The following KCP variants were observed in gnomAD, a reference collection of about 807,000 sequenced individuals.
KCP encodes kielin/chordin-like protein.
In KCP, 194 loss-of-function variants were observed where a neutral mutation model predicts 212.7. That is an observed-to-expected ratio of 0.91 (90% CI 0.81 to 1.03). KCP has a LOEUF of 1.03. KCP is among the 50% of genes least tolerant of loss of function. KCP has a pLI of 0.00. For synonymous variants in KCP, 833 were observed against 865.3 expected (o/e 0.96, Z 0.65); for missense variants, 2,080 against 2,162.5 (o/e 0.96, Z 0.76).
At position 128,882,102 on chromosome 7, in the gene KCP, G is replaced by A. The variant is rs144585197; in HGVS notation, c.3245-86C>T. 15 of 1,024,728 alleles carry A rather than the reference G, an allele frequency of 1.5e-5. No individual in the cohort carries two copies. The East Asian group carries it at 3.9e-4, about 27-fold the overall frequency. The allele number at this position is 1,024,728 out of a possible 1,614,324, so 63.5% of individuals were successfully genotyped here. On this transcript the variant is annotated intron_variant, in intron 29 of 39. Transcript: ENST00000610776. Reference sequence around the variant, plus strand: ...GCTGTCCCCATGCACTGTGTCCCCAGGTTTCTAACTCGAACTCCTGAGCAT... The same window carrying A: ...GCTGTCCCCATGCACTGTGTCCCCAAGTTTCTAACTCGAACTCCTGAGCAT...
chr7:128,890,849 G>A, intron 20 of KCP, 56 bp downstream of exon 20: 1 of 1,183,838 alleles, frequency 8.4e-7, no homozygotes, highest in African/African-American at 1.6e-5. Context: ...GGCGCTCCGG[G>A]GCGGGGCGGG....
In KCP at chr7:128,879,990, G is replaced by A. The variant is rs544253579; in HGVS notation, c.3855C>T (p.Thr1285=). The change falls in exon 35 of 40, where the codon ACC becomes ACT. Residue 1285 remains threonine, a synonymous_variant. Coordinates refer to ENST00000610776, the MANE Select transcript of KCP (RefSeq NM_001366122.1). ...GGAAGTGCAGCAGGCGGCCGTCGAA[G>A]GTGCGGTAATGGGGGTCTCCGAAGG... The part of the protein sequence containing the change: ...CMAFGDPHYR[T]FDGRLLHFQG... 657 of 1,550,570 alleles carry A rather than the reference G, an allele frequency of 4.2e-4. 3 individuals are homozygous for A. The African/African-American group carries it at 7.8e-3, about 18-fold the overall frequency.
rs763484619 is a variant in KCP, at chr7:128,877,501, C to T, written c.4601G>A (p.Arg1534Gln). 11 of 1,551,162 alleles carry T rather than the reference C, an allele frequency of 7.1e-6. No homozygotes were observed. Among genetic ancestry groups the T allele is most frequent in the East Asian group, 2.4e-5 (1 of 40,940 alleles). ...CRQAGVTPTW[R>Q]GPTLCVVGCP... ...CCCCTCACCACACAGCGTGGGGCCT[C>T]GCCAGGTAGGTGTCACTCCTGCCTG... The change falls in exon 39 of 40, where the codon CGA becomes CAA. Residue 1534 changes from arginine to glutamine, a missense_variant. Arg to Gln is a conservative substitution (Grantham distance 43). Transcript: ENST00000610776.
intron 19 of KCP, 35 bp downstream of exon 19, chr7:128,891,150 C>T (rs2128947291): frequency 1.3e-6 from 2 of 1,539,018 alleles, no homozygotes; most frequent in East Asian, 2.5e-5. Flanking sequence ...CGAGGGGACC[C>T]CCAGGGAGGA....
chr7:128,886,776 ACCCTGCCCTGCTCGGCCCAG>A lies in KCP; in HGVS notation c.2690-59_2690-40del, dbSNP rs747327363. 85 of 1,531,924 alleles carry A rather than the reference ACCCTGCCCTGCTCGGCCCAG, an allele frequency of 5.5e-5. 1 individual carries two copies. In the Admixed American group the frequency reaches 1.7e-3, roughly 30 times the overall value. 94.9% of individuals were successfully genotyped at this position (1,531,924 alleles called of 1,614,324 possible). ...ACCTCCTGGGTGGGGGGCCTGTGCCACCCTGCCCTGCTCGGCCCAGCCTTAGGCCTGGCAGGAAGGGAAGG... is the reference window on the plus strand; with the variant it reads ...ACCTCCTGGGTGGGGGGCCTGTGCCACCTTAGGCCTGGCAGGAAGGGAAGG... On this transcript the variant is annotated intron_variant, in intron 24 of 39. Coordinates refer to ENST00000610776, the MANE Select transcript of KCP (RefSeq NM_001366122.1).
intron 18 of KCP, 84 bp downstream of exon 18, chr7:128,891,367 C>T (rs2128947369): frequency 2.6e-6 from 4 of 1,546,744 alleles, no homozygotes; most frequent in African/African-American, 2.7e-5. Context: ...AGGTCCCACC[C>T]CTCCCACCTG....
chr7:128,880,431 G>A lies in KCP; in HGVS notation c.3714C>T (p.Thr1238=), dbSNP rs530938870. ...AGCAGCGCTGGCTCTGGCAACGCACGGTGCCCGCCATGCAGGAGCAGCTGG... is the reference window on the plus strand; with the variant it reads ...AGCAGCGCTGGCTCTGGCAACGCACAGTGCCCGCCATGCAGGAGCAGCTGG... ...TCTSCSCMAG[T]VRCQSQRCSP... The change falls in exon 34 of 40, where the codon ACC becomes ACT. Residue 1238 remains threonine, a synonymous_variant. Transcript: ENST00000610776. 24 of 1,544,430 alleles carry A rather than the reference G, an allele frequency of 1.6e-5. No homozygotes were observed. Among genetic ancestry groups the A allele is most frequent in the Admixed American group, 1.4e-4 (7 of 50,662 alleles).
chr7:128,879,172 G>T, intron 37 of KCP: 1 of 367,934 alleles, frequency 2.7e-6, no homozygotes, highest in Middle Eastern at 7.8e-4. Flanking sequence ...ATGAGAGTTG[G>T]AAGGAACCTG....
In KCP at chr7:128,880,721, G is replaced by A. The variant is rs182119965; in HGVS notation, c.3514C>T (p.Arg1172Trp). 315 of 431,680 alleles carry A rather than the reference G, an allele frequency of 7.3e-4. 2 individuals carry two copies. The East Asian group carries it at 9.7e-3, about 13-fold the overall frequency. The allele number at this position is 431,680 out of a possible 1,614,324, so 26.7% of individuals were successfully genotyped here. ...SNACIACTCH[R>W]GHVECHLEEC... ...TCGAGGTGGCACTCCACATGGCCCC[G>A]CTGAGGACAGACATCATTGTTCTGG... The change falls in exon 33 of 40, where the codon CGG (arginine) becomes TGG (tryptophan). Residue 1172 changes from arginine (R) to tryptophan (W), a missense_variant and splice_region_variant. By Grantham distance (101) the Arg-to-Trp change is moderately radical. Transcript: ENST00000610776.
intron 29 of KCP, among the ~76,000 whole-genome samples, chr7:128,883,149 T>C (rs1004762905): frequency 9.9e-5 from 15 of 151,476 alleles, no homozygotes; most frequent in Non-Finnish European, 2.1e-4. Context: ...TTCTTTCTTT[T>C]TTTTTTTTTG....
chr7:128,886,844 C>T, intron 24 of KCP, 32 bp downstream of exon 24: 1 of 1,423,106 alleles, frequency 7.0e-7, no homozygotes, highest in Non-Finnish European at 9.7e-7. Flanking sequence ...CGGGGAAGGG[C>T]ATGGGGGCCG....
chr7:128,890,398 A>C lies in KCP; in HGVS notation c.2280T>G (p.Cys760Trp). The change falls in exon 21 of 40, where the codon TGT becomes TGG. Residue 760 changes from cysteine (C) to tryptophan (W), a missense_variant. By Grantham distance (215) the Cys-to-Trp change is radical (BLOSUM62 -2). Coordinates refer to ENST00000610776, the MANE Select transcript of KCP (RefSeq NM_001366122.1). ...CAGGGAAGGGGCACAGTGCAGGGGCACATGCCTTGGGCTCGCAGCTCACGC... is the reference window on the plus strand; with the variant it reads ...CAGGGAAGGGGCACAGTGCAGGGGCCCATGCCTTGGGCTCGCAGCTCACGC... ...EGSVSCEPKA[C>W]APALCPFPAR... The C allele has an allele frequency of 6.4e-7, 1 of 1,551,278 alleles. No homozygotes were observed. Among genetic ancestry groups the C allele is most frequent in the Non-Finnish European group, 8.7e-7 (1 of 1,147,000 alleles).
rs558088666 is a variant in KCP, at chr7:128,893,754, C to T, written c.1099+52G>A. 1.4e-3 allele frequency: 2,190 copies of T among 1,519,964 alleles called. 1 individual carries two copies. The highest frequency in any genetic ancestry group is 1.9e-3 in the Non-Finnish European group (2,112 of 1,126,100). The allele number at this position is 1,519,964 out of a possible 1,614,324, so 94.2% of individuals were successfully genotyped here. ...GAAGCAAATCCCCCACACCTACAGC[C>T]TCTCTGCAGCCAAGGCCTGCCCCTC... is the stretch of plus-strand genomic sequence containing the variant. On this transcript the variant is annotated intron_variant, in intron 11 of 39. Transcript: ENST00000610776.
intron 37 of KCP, 113 bp downstream of exon 37, chr7:128,879,409 C>A: frequency 1.2e-6 from 1 of 857,868 alleles, no homozygotes. Context: ...CCACTCCTTG[C>A]CTTTTTTGGC....
chr7:128,898,063 CT>C (rs1179345535), intron 8 of KCP, among the ~76,000 whole-genome samples: 55 of 145,696 alleles, frequency 3.8e-4, no homozygotes, highest in East Asian at 1.4e-3. Context: ...CTATTTTTTT[CT>C]TTTTTTTTTT....
intron 16 of KCP, among the ~76,000 whole-genome samples, chr7:128,892,127 G>A (rs893846137): frequency 2.0e-5 from 3 of 152,140 alleles, no homozygotes; most frequent in South Asian, 2.1e-4. Context: ...GGGCAGGGAC[G>A]TGTCCCATGC....
chr7:128,881,909 T>G, intron 30 of KCP, 28 bp downstream of exon 30: 1 of 1,542,512 alleles, frequency 6.5e-7, no homozygotes, highest in Non-Finnish European at 8.8e-7. Context: ...AGAGGGGCTC[T>G]GTGAGTCCCC....
Position 128,885,216 on chromosome 7 carries a change from T to C in KCP, c.2921A>G (p.Asp974Gly). ...ACACACACAGGAGGAGCAGGCACTG[T>C]CGGGGGGCACCCATCTACTGCCTTC... ...HPEGSRWVPP[D>G]SACSSCVCHE... Residue 974 changes from aspartate (D) to glycine (G), a missense_variant, in exon 27 of 40, where the codon GAC (aspartate) becomes GGC (glycine). Coordinates refer to ENST00000610776, the MANE Select transcript of KCP (RefSeq NM_001366122.1). 1 of 1,550,548 alleles carries C rather than the reference T, an allele frequency of 6.4e-7. No individual in the cohort carries two copies. Among genetic ancestry groups the C allele is most frequent in the South Asian group, 1.2e-5 (1 of 84,044 alleles).
chr7:128,882,013 G>A lies in KCP; in HGVS notation c.3248C>T (p.Ala1083Val), dbSNP rs1429683582. ...CAGGCCCTCTGAACAGTTACTCAAG[G>A]CCTCTGTGAAGACAAGAATCCAGAG... ...PQHCCPTCAE[A>V]LSNCSEGLLG... Residue 1083 changes from alanine to valine, a missense_variant, in exon 30 of 40, where the codon GCC (alanine) becomes GTC (valine). Ala to Val is a moderately conservative substitution (Grantham distance 64, BLOSUM62 0). Transcript: ENST00000610776. The A allele has an allele frequency of 5.8e-6, 9 of 1,550,752 alleles. 1 individual carries two copies. In the South Asian group the frequency reaches 8.3e-5, roughly 14 times the overall value.
Sources: gnomAD v4.1 joint callset for allele counts (sites outside exome capture counted in the v4.1 genomes callset) on GRCh38, gnomAD v4.1.1 for gene constraint, MANE v1.5 for transcripts, NCBI Gene and HGNC (gene_info 2026-07-23, HGNC 2026-07-21) for gene names.